The following BCAS3 variants were observed in gnomAD, a reference collection of about 807,000 sequenced individuals.
BCAS3 encodes BCAS4/BCAS3 fusion.
BCAS3 carries 53 observed loss-of-function variants against 116.1 expected under a neutral mutation model. The observed-to-expected ratio is 0.46, with a 90% CI of 0.37 to 0.57. BCAS3 has a LOEUF of 0.57. Ranked by LOEUF, BCAS3 falls within the 20% of genes least tolerant of loss-of-function variation. BCAS3 has a pLI of 0.00. For synonymous variants in BCAS3, 391 were observed against 408.2 expected (o/e 0.96, Z 0.51); for missense variants, 917 against 1,165.4 (o/e 0.79, Z 3.10).
intron 4 of BCAS3, among the ~76,000 whole-genome samples, chr17:60,690,979 C>G (rs1204684276): frequency 6.6e-6 from 1 of 152,016 alleles, no homozygotes; most frequent in African/African-American, 2.4e-5. Context: ...GTCGCCCAGG[C>G]TGGAGTGCAG....
intron 10 of BCAS3, among the ~76,000 whole-genome samples, chr17:60,902,410 A>G (rs2057953694): frequency 6.6e-6 from 1 of 152,220 alleles, no homozygotes; most frequent in South Asian, 2.1e-4. Context: ...GTAGTTGAGC[A>G]TGAAACTGCC....
At chr17:60,998,791 C>T (rs2064018266) in intron 15 of BCAS3, among the ~76,000 whole-genome samples, 1 of 152,078 alleles carries the variant, frequency 6.6e-6, no homozygotes, top group Non-Finnish European at 1.5e-5. Context: ...TCTGTTTACT[C>T]TGTTGATAGT....
rs371178241 is a variant in BCAS3 at position 61,285,231 on chromosome 17, TTGTGTG to T, written c.2426-83074_2426-83069del. ...GTTTTGCTTTTCCCCTCCTCCTAGGTTGTGTGTGTGTGTGTGTGTGTGTGTGTTTCT... is the reference window on the plus strand; with the variant it reads ...GTTTTGCTTTTCCCCTCCTCCTAGGTTGTGTGTGTGTGTGTGTGTGTTTCT... On this transcript the variant is annotated intron_variant, in intron 22 of 23. Coordinates refer to ENST00000407086, the MANE Select transcript of BCAS3 (RefSeq NM_017679.5). This position sits in a 1 kb window ranked among gnomAD's most constrained non-coding sequence, Gnocchi z 5.4. Among the ~76,000 whole-genome samples the T allele has an allele frequency of 1.8e-4, 25 of 140,026 alleles. No homozygotes were observed. Among genetic ancestry groups the T allele is most frequent in the African/African-American group, 3.7e-4 (12 of 32,862 alleles). 91.9% of individuals were successfully genotyped at this position (140,026 alleles called of 152,430 possible).
At chr17:60,988,525 C>T (rs1202556708) in intron 14 of BCAS3, among the ~76,000 whole-genome samples, 4 of 151,582 alleles carry the variant, frequency 2.6e-5, no homozygotes, top group Admixed American at 2.6e-4. Flanking sequence ...AGCCATTGGT[C>T]CTGGATTTTT....
chr17:61,281,521 T>C lies in BCAS3; in HGVS notation c.2426-86806T>C, dbSNP rs969956730. Among the ~76,000 whole-genome samples, 1 of 152,266 alleles carries C rather than the reference T, an allele frequency of 6.6e-6. No individual in the cohort carries two copies. The highest frequency in any genetic ancestry group is 2.4e-5 in the African/African-American group (1 of 41,470). ...GTGTGTTATCAGATTTTTTGGTCTC[T>C]GCAAATCAGATTCAATGTGTCATTT... On this transcript the variant is annotated intron_variant, in intron 22 of 23. Coordinates refer to ENST00000407086, the MANE Select transcript of BCAS3 (RefSeq NM_017679.5). The surrounding 1 kb of genome is among the most constrained non-coding windows in gnomAD (Gnocchi z 4.2).
chr17:61,018,620 A>G (rs993445027), intron 16 of BCAS3, among the ~76,000 whole-genome samples: 7 of 151,980 alleles, frequency 4.6e-5, no homozygotes, highest in African/African-American at 4.8e-5. Context: ...TAATAGATCA[A>G]CTTATTTGCT....
chr17:61,308,702 T>C (rs970887590), intron 22 of BCAS3, among the ~76,000 whole-genome samples: 2 of 151,922 alleles, frequency 1.3e-5, no homozygotes, highest in African/African-American at 4.8e-5. Context: ...AACAGAAAAA[T>C]ATAACTTGGC....
chr17:60,783,979 A>G (rs543364627), intron 6 of BCAS3, among the ~76,000 whole-genome samples: 139 of 152,330 alleles, frequency 9.1e-4, no homozygotes, highest in African/African-American at 3.2e-3. Flanking sequence ...GGTAAATGAG[A>G]TGTGGCTGGC....
chr17:60,992,168 C>A (rs987924597), intron 15 of BCAS3, among the ~76,000 whole-genome samples: 1 of 147,338 alleles, frequency 6.8e-6, no homozygotes, highest in Non-Finnish European at 1.5e-5. Context: ...ATTACACATT[C>A]TTTCGTAGTA....
At chr17:60,798,929 T>C (rs763084301) in intron 6 of BCAS3, among the ~76,000 whole-genome samples, 2 of 152,244 alleles carry the variant, frequency 1.3e-5, no homozygotes, top group Admixed American at 6.5e-5. Context: ...TAATAACATA[T>C]AACTTCGAGC....
rs1401535547 is a variant in BCAS3, at chr17:61,156,275, G to A, written c.2425+71711G>A. ...ATTTTGGTCTTCTTTTCAGGGATTGGAATTGAGCCTGGTAAAATTCCTTAG... is the reference window on the plus strand; with the variant it reads ...ATTTTGGTCTTCTTTTCAGGGATTGAAATTGAGCCTGGTAAAATTCCTTAG... On this transcript the variant is annotated intron_variant, in intron 22 of 23. Transcript: ENST00000407086. This position sits in a 1 kb window ranked among gnomAD's most constrained non-coding sequence, Gnocchi z 4.7. 2.6e-5 allele frequency among the ~76,000 whole-genome samples: 4 copies of A among 152,074 alleles called. No homozygotes were observed. Among genetic ancestry groups the A allele is most frequent in the Non-Finnish European group, 1.5e-5 (1 of 68,018 alleles).
intron 5 of BCAS3, among the ~76,000 whole-genome samples, chr17:60,711,554 G>T (rs1157430907): frequency 6.6e-6 from 1 of 152,062 alleles, no homozygotes; most frequent in East Asian, 1.9e-4. Flanking sequence ...TCCTTTGGTG[G>T]TATTCAGGTT....
chr17:61,006,710 A>G (rs1339701807), intron 15 of BCAS3, among the ~76,000 whole-genome samples: 1 of 152,068 alleles, frequency 6.6e-6, no homozygotes, highest in Non-Finnish European at 1.5e-5. Flanking sequence ...ACTTAGTGTC[A>G]GTACTATATT....
chr17:60,947,252 A>G lies in BCAS3; in HGVS notation c.1121A>G (p.His374Arg), dbSNP rs754432737. 3 of 1,613,002 alleles carry G rather than the reference A, an allele frequency of 1.9e-6. No homozygotes were observed. The highest frequency in any genetic ancestry group is 1.1e-5 in the South Asian group (1 of 91,052). Reference protein sequence around the residue: ...MLLVTTDTLGHDFHVFQILTH... With the variant: ...MLLVTTDTLGRDFHVFQILTH... Reference sequence around the variant, plus strand: ...CTAGTCACAACAGACACCCTTGGCCATGACTTTCATGTCTTCCAAATTCTG... The same window carrying G: ...CTAGTCACAACAGACACCCTTGGCCGTGACTTTCATGTCTTCCAAATTCTG... The change falls in exon 14 of 24, where the codon CAT becomes CGT. Residue 374 changes from histidine (H) to arginine (R), a missense_variant. Coordinates refer to ENST00000407086, the MANE Select transcript of BCAS3 (RefSeq NM_017679.5).
Position 60,679,987 on chromosome 17 carries a change from A to C in BCAS3, c.83+447A>C, listed in dbSNP as rs538187142. ...CCCTGTCTCTACTAAAAATACAAAA[A>C]ATTAGCCGGGTATGGTGGCCCCTGT... On this transcript the variant is annotated intron_variant, in intron 2 of 23. Coordinates refer to ENST00000407086, the MANE Select transcript of BCAS3 (RefSeq NM_017679.5). Among the ~76,000 whole-genome samples, 45 of 151,998 alleles carry C rather than the reference A, an allele frequency of 3.0e-4. No homozygotes were observed. The South Asian group carries it at 9.4e-3, about 32-fold the overall frequency.
chr17:61,287,375 A>G (rs909989646), intron 22 of BCAS3, among the ~76,000 whole-genome samples: 1 of 152,048 alleles, frequency 6.6e-6, no homozygotes, highest in Non-Finnish European at 1.5e-5. Flanking sequence ...ATTGTCTGCC[A>G]TACTGCATTT....
At chr17:60,832,936 A>C (rs1236710184) in intron 7 of BCAS3, among the ~76,000 whole-genome samples, 3 of 152,208 alleles carry the variant, frequency 2.0e-5, no homozygotes, top group East Asian at 3.8e-4. Flanking sequence ...AAAAAGAATT[A>C]GTTCTCTAAA....
chr17:60,724,736 T>TAAAA (rs1568107171), intron 5 of BCAS3, among the ~76,000 whole-genome samples: 1 of 150,840 alleles, frequency 6.6e-6, no homozygotes, highest in African/African-American at 2.5e-5. Flanking sequence ...AAAAAAAAAT[T>TAAAA]CATTTTCTTT....
chr17:60,975,033 C>T (rs1266207285), intron 14 of BCAS3, among the ~76,000 whole-genome samples: 4 of 144,838 alleles, frequency 2.8e-5, no homozygotes, highest in Admixed American at 1.4e-4. Context: ...CTCGCTCTGT[C>T]GCCCAGGCCG....
Sources: gnomAD v4.1 joint callset for allele counts (sites outside exome capture counted in the v4.1 genomes callset) on GRCh38, gnomAD v4.1.1 for gene constraint, Gnocchi (gnomAD v3.1) non-coding constraint, MANE v1.5 for transcripts, NCBI Gene and HGNC (gene_info 2026-07-23, HGNC 2026-07-21) for gene names.